Variants in MDGA2 observed in about 807,000 individuals in gnomAD.
The protein encoded by MDGA2 is MAM domain containing glycosylphosphatidylinositol anchor 2, also known as MAM domain-containing glycosylphosphatidylinositol anchor protein 2.
MDGA2 carries 40 observed loss-of-function variants against 117.8 expected under a neutral mutation model. That is an observed-to-expected ratio of 0.34 (90% CI 0.26 to 0.44). The LOEUF (loss-of-function observed/expected upper bound fraction) is 0.44. Among genes scored for constraint, MDGA2 ranks in the 20% least tolerant of loss-of-function variants. The probability of loss-of-function intolerance (pLI) is 1.00; values close to 1 mark genes in which losing one functional copy is unlikely to be tolerated. For missense variants in MDGA2, 1,123 were observed against 1,250.6 expected, an observed-to-expected ratio of 0.90 and a Z score of 1.54; for synonymous variants, 452 against 439.0, an observed-to-expected ratio of 1.03 and a Z score of -0.37.
intron 3 of MDGA2, among the ~76,000 whole-genome samples, chr14:47,199,656 T>C (rs1187499021): frequency 1.3e-5 from 2 of 152,278 alleles, no homozygotes; most frequent in African/African-American, 2.4e-5. Flanking sequence ...AAAACAATCA[T>C]ACATTATGTG....
At chr14:47,050,509 G>T (rs1889420043) in intron 7 of MDGA2, among the ~76,000 whole-genome samples, 1 of 151,918 alleles carries the variant, frequency 6.6e-6, no homozygotes, top group Admixed American at 6.6e-5. Context: ...ATTTTTCTGT[G>T]TTTCTGTTAT....
intron 5 of MDGA2, among the ~76,000 whole-genome samples, chr14:47,120,942 C>T (rs1036005636): frequency 2.0e-5 from 3 of 152,054 alleles, no homozygotes; most frequent in Non-Finnish European, 4.4e-5. Context: ...TTAACAGTGG[C>T]CCCAAGGCTA....
rs1449883854 is a variant in MDGA2, at chr14:47,061,716, T to C, written c.1196-138A>G. 45 of 694,194 alleles carry C rather than the reference T, an allele frequency of 6.5e-5. 1 individual carries two copies. In the Admixed American group the frequency reaches 1.2e-3, roughly 18 times the overall value. 43.0% of individuals were successfully genotyped at this position (694,194 alleles called of 1,614,324 possible). A position where few individuals can be genotyped will look rare whatever the true frequency, so the allele number is the denominator to read the frequency against. Reference sequence around the variant, plus strand: ...CATATATTTCTTTTTTATATCCAAGTTGTGTGTACATCAAAAAACCTCATG... The same window carrying C: ...CATATATTTCTTTTTTATATCCAAGCTGTGTGTACATCAAAAAACCTCATG... On this transcript the variant is annotated intron_variant, in intron 6 of 16. Coordinates refer to ENST00000399232, the MANE Select transcript of MDGA2 (RefSeq NM_001113498.3).
At chr14:47,578,424 T>G (rs972711098) in intron 1 of MDGA2, among the ~76,000 whole-genome samples, 3 of 152,070 alleles carry the variant, frequency 2.0e-5, no homozygotes, top group Non-Finnish European at 2.9e-5. Context: ...AATAAAAAAT[T>G]TAAAAAAAGA....
At position 46,874,213 on chromosome 14, in the gene MDGA2, TTTAA is replaced by T. The variant is rs773987329; in HGVS notation, c.2438-17_2438-14del. Reference sequence around the variant, plus strand: ...CAATGAAATTCTCCTGTTGGTAAATTTTAATTAAATTAATATTAATTAAATTAAT... The same window carrying T: ...CAATGAAATTCTCCTGTTGGTAAATTTTAAATTAATATTAATTAAATTAAT... On this transcript the variant is annotated splice_polypyrimidine_tract_variant and intron_variant, in intron 12 of 16. Transcript: ENST00000399232. 2 of 1,306,550 alleles carry T rather than the reference TTTAA, an allele frequency of 1.5e-6. No individual in the cohort carries two copies. Among genetic ancestry groups the T allele is most frequent in the South Asian group, 2.0e-5 (1 of 51,200 alleles). The allele number at this position is 1,306,550 out of a possible 1,614,324, so 80.9% of individuals were successfully genotyped here. A position where few individuals can be genotyped will look rare whatever the true frequency, so the allele number is the denominator to read the frequency against.
At chr14:46,872,585 CGAGTA>C (rs1317132218) in intron 14 of MDGA2, among the ~76,000 whole-genome samples, 1 of 151,684 alleles carries the variant, frequency 6.6e-6, no homozygotes, top group Admixed American at 6.6e-5. Context: ...GGAATGGTCT[CGAGTA>C]GAATCATATT....
chr14:47,298,981 C>T (rs1889182349), intron 2 of MDGA2, among the ~76,000 whole-genome samples: 1 of 152,140 alleles, frequency 6.6e-6, no homozygotes, highest in Non-Finnish European at 1.5e-5. Context: ...CCACCGCGCC[C>T]AGCCGCCCAG....
At chr14:47,047,230 T>C (rs539102064) in intron 7 of MDGA2, among the ~76,000 whole-genome samples, 203 of 152,264 alleles carry the variant, frequency 1.3e-3, no homozygotes, top group Non-Finnish European at 2.3e-3. Flanking sequence ...ATGGAGAGTT[T>C]GGAAGACTTG....
At chr14:47,558,496 A>G (rs778697489) in intron 1 of MDGA2, among the ~76,000 whole-genome samples, 2 of 152,234 alleles carry the variant, frequency 1.3e-5, no homozygotes, top group Admixed American at 6.5e-5. Context: ...CAAGTTTCCA[A>G]AAATAATAAG....
At chr14:47,193,571 C>T (rs190569685) in intron 3 of MDGA2, among the ~76,000 whole-genome samples, 18 of 152,194 alleles carry the variant, frequency 1.2e-4, no homozygotes, top group Admixed American at 9.8e-4. Context: ...AGTCATGGTT[C>T]TCATGATAGA....
rs558975810 is a variant in MDGA2 at position 47,240,106 on chromosome 14, A to G, written c.421-21911T>C. Among the ~76,000 whole-genome samples the G allele has an allele frequency of 3.2e-4, 48 of 151,718 alleles. 1 individual carries two copies. The South Asian group carries it at 6.9e-3, about 22-fold the overall frequency. On this transcript the variant is annotated intron_variant, in intron 2 of 16. Coordinates refer to ENST00000399232, the MANE Select transcript of MDGA2 (RefSeq NM_001113498.3). ...GTTGCCCAGGCTGGAGTGCAGTGGCACGATCTCGGCTCCCTGCAACTTCTG... is the reference window on the plus strand; with the variant it reads ...GTTGCCCAGGCTGGAGTGCAGTGGCGCGATCTCGGCTCCCTGCAACTTCTG...
At chr14:47,312,688 G>GTTTTTTTTTTTTTTTTTTT (rs1186421912) in intron 1 of MDGA2, among the ~76,000 whole-genome samples, 1 of 104,294 alleles carries the variant, frequency 9.6e-6, no homozygotes, top group African/African-American at 4.1e-5. Flanking sequence ...TTTTTTTTTT[G>GTTTTTTTTTTTTTTTTTTT]TTTTGTTTTG....
chr14:47,006,417 A>G, intron 8 of MDGA2, among the ~76,000 whole-genome samples: 1 of 106,442 alleles, frequency 9.4e-6, no homozygotes, highest in East Asian at 3.0e-4. Flanking sequence ...TATATTTATA[A>G]TTATATTATA....
chr14:47,448,732 C>T (rs1032420478), intron 1 of MDGA2, among the ~76,000 whole-genome samples: 6 of 152,020 alleles, frequency 3.9e-5, no homozygotes, highest in African/African-American at 1.4e-4. Flanking sequence ...AATTATCAAG[C>T]GTAAGAAAGA....
intron 12 of MDGA2, among the ~76,000 whole-genome samples, chr14:46,875,286 G>A (rs1359586054): frequency 6.6e-6 from 1 of 151,736 alleles, no homozygotes; most frequent in Non-Finnish European, 1.5e-5. Context: ...AGTCCTGGTT[G>A]AGATCATGTA....
intron 9 of MDGA2, among the ~76,000 whole-genome samples, chr14:46,926,657 T>A (rs1884343718): frequency 7.3e-6 from 1 of 137,276 alleles, no homozygotes; most frequent in Admixed American, 7.5e-5. Flanking sequence ...TTACATTATC[T>A]TCAAATTAAT....
intron 1 of MDGA2, among the ~76,000 whole-genome samples, chr14:47,416,626 C>A (rs1340545528): frequency 6.6e-6 from 1 of 152,154 alleles, no homozygotes; most frequent in Non-Finnish European, 1.5e-5. Context: ...GGATGGCCCT[C>A]TGAGTGAGGC....
chr14:47,081,127 T>A (rs946796847), intron 6 of MDGA2, among the ~76,000 whole-genome samples: 13 of 152,136 alleles, frequency 8.5e-5, no homozygotes, highest in Non-Finnish European at 1.9e-4. Flanking sequence ...AACACCTTCA[T>A]TTTTAAAATT....
intron 2 of MDGA2, among the ~76,000 whole-genome samples, chr14:47,237,533 T>C (rs1367884997): frequency 6.6e-6 from 1 of 152,206 alleles, no homozygotes; most frequent in Non-Finnish European, 1.5e-5. Context: ...ATATTCTTTC[T>C]GGAATGGTCA....
Sources: gnomAD v4.1 joint callset for allele counts (sites outside exome capture counted in the v4.1 genomes callset) on GRCh38, gnomAD v4.1.1 for gene constraint, MANE v1.5 for transcripts, NCBI Gene and HGNC (gene_info 2026-07-23, HGNC 2026-07-21) for gene names.